EIF2B3: variants seen among roughly 807,000 people sequenced by gnomAD.
EIF2B3 encodes the protein eukaryotic translation initiation factor 2B subunit gamma, also known as translation initiation factor eIF2B subunit gamma.
In EIF2B3, 20 loss-of-function variants were observed where a neutral mutation model predicts 54.1. The observed-to-expected ratio is 0.37, with a 90% CI of 0.26 to 0.54. The LOEUF is 0.54. EIF2B3 is among the 20% of genes least tolerant of loss of function. The pLI, the probability that EIF2B3 is intolerant of heterozygous loss-of-function variation, is 0.86. For missense variants in EIF2B3, 448 were observed against 547.8 expected, an observed-to-expected ratio of 0.82 and a Z score of 1.82; for synonymous variants, 153 against 188.1, an observed-to-expected ratio of 0.81 and a Z score of 1.52.
chr1:44,871,313 C>T (rs2148899603), intron 10 of EIF2B3, among the ~76,000 whole-genome samples: 1 of 152,280 alleles, frequency 6.6e-6, no homozygotes, highest in East Asian at 1.9e-4. Context: ...TTCTATTTTA[C>T]CAGAATTATT....
Position 44,850,932 on chromosome 1 carries a change from A to C in EIF2B3, c.*19T>G. On this transcript the variant is annotated 3_prime_UTR_variant, in exon 12 of 12. Coordinates refer to ENST00000360403, the MANE Select transcript of EIF2B3 (RefSeq NM_020365.5). The stretch of plus-strand genomic sequence containing the variant: ...GTGGCTTTGGAGGCCAAAAGGAAGG[A>C]GTCTGACTTGCTCAGAACTCAGATC... 6.2e-7 allele frequency: 1 copy of C among 1,613,978 alleles called. No individual in the cohort carries two copies. The highest frequency in any genetic ancestry group is 8.5e-7 in the Non-Finnish European group (1 of 1,179,858).
At chr1:44,895,100 G>A (rs1655922940) in intron 6 of EIF2B3, among the ~76,000 whole-genome samples, 1 of 152,164 alleles carries the variant, frequency 6.6e-6, no homozygotes, top group Non-Finnish European at 1.5e-5. Flanking sequence ...GACTCTGAGA[G>A]GTCAAGGTAG....
At chr1:44,961,809 A>G (rs1644287638) in intron 3 of EIF2B3, among the ~76,000 whole-genome samples, 1 of 152,216 alleles carries the variant, frequency 6.6e-6, no homozygotes, top group Admixed American at 6.5e-5. Flanking sequence ...TAGCTAGTGA[A>G]TGACAGAACA....
intron 5 of EIF2B3, among the ~76,000 whole-genome samples, chr1:44,920,059 G>C (rs1447555750): frequency 6.8e-6 from 1 of 147,194 alleles, no homozygotes; most frequent in African/African-American, 2.5e-5. Flanking sequence ...TTTTCGAGCA[G>C]AGTCTCCCTC....
At chr1:44,886,142 C>T (rs865922188) in intron 6 of EIF2B3, among the ~76,000 whole-genome samples, 7 of 151,898 alleles carry the variant, frequency 4.6e-5, no homozygotes, top group East Asian at 1.9e-4. Flanking sequence ...TGCAGTGGCA[C>T]GGTCTCGGTT....
Position 44,881,244 on chromosome 1 carries a change from C to T in EIF2B3, c.784+368G>A, listed in dbSNP as rs1462958260. Reference sequence around the variant, plus strand: ...ATTGTACATTCCTTCACTTTCCTTCCCTTGATAAAAGAGGTTGAGTTTAAT... The same window carrying T: ...ATTGTACATTCCTTCACTTTCCTTCTCTTGATAAAAGAGGTTGAGTTTAAT... On this transcript the variant is annotated intron_variant, in intron 7 of 11. Coordinates refer to ENST00000360403, the MANE Select transcript of EIF2B3 (RefSeq NM_020365.5). The surrounding 1 kb of genome is among the most constrained non-coding windows in gnomAD (Gnocchi z 4.0). Among the ~76,000 whole-genome samples the T allele has an allele frequency of 6.6e-6, 1 of 152,162 alleles. No individual in the cohort carries two copies. The highest frequency in any genetic ancestry group is 6.5e-5 in the Admixed American group (1 of 15,276).
intron 5 of EIF2B3, among the ~76,000 whole-genome samples, chr1:44,901,110 T>A (rs1047770578): frequency 1.3e-5 from 2 of 151,934 alleles, no homozygotes; most frequent in Non-Finnish European, 2.9e-5. Context: ...CCTGGCTAAT[T>A]GAAAAAAAAA....
intron 10 of EIF2B3, among the ~76,000 whole-genome samples, chr1:44,871,414 T>C (rs1654961151): frequency 6.6e-6 from 1 of 152,236 alleles, no homozygotes; most frequent in Non-Finnish European, 1.5e-5. Flanking sequence ...AATTTAATCA[T>C]GCTGCTCTTT....
At chr1:44,903,938 G>A (rs1305670298) in intron 5 of EIF2B3, among the ~76,000 whole-genome samples, 1 of 152,132 alleles carries the variant, frequency 6.6e-6, no homozygotes, top group African/African-American at 2.4e-5. Context: ...TTAGCCAGGT[G>A]TGGTAGCACA....
At chr1:44,980,540 C>T (rs1156385075) in intron 2 of EIF2B3, among the ~76,000 whole-genome samples, 2 of 152,060 alleles carry the variant, frequency 1.3e-5, no homozygotes, top group African/African-American at 2.4e-5. Context: ...AACTATCTAC[C>T]TAGCTACCCA....
chr1:44,871,056 T>C (rs1456686337), intron 10 of EIF2B3, among the ~76,000 whole-genome samples: 1 of 152,208 alleles, frequency 6.6e-6, no homozygotes, highest in East Asian at 1.9e-4. Context: ...CACCATGCAT[T>C]CAACTTGTCC....
At chr1:44,954,258 GT>G (rs1644199627) in intron 3 of EIF2B3, among the ~76,000 whole-genome samples, 1 of 152,130 alleles carries the variant, frequency 6.6e-6, no homozygotes, top group Non-Finnish European at 1.5e-5. Flanking sequence ...ATTTAAAGTA[GT>G]TTTTCCTAAT....
At chr1:44,857,229 T>C (rs1654460557) in intron 11 of EIF2B3, among the ~76,000 whole-genome samples, 1 of 152,156 alleles carries the variant, frequency 6.6e-6, no homozygotes, top group Admixed American at 6.5e-5. Context: ...TAAGTCAAAG[T>C]AAAAAAATTT....
Position 44,978,621 on chromosome 1 carries a change from CTTTTTTTTTTTTTTTT to C in EIF2B3, c.149-177_149-162del, listed in dbSNP as rs57964686. Among the ~76,000 whole-genome samples the C allele has an allele frequency of 0.25, 19,009 of 77,242 alleles. 1,730 individuals are homozygous for C. The highest frequency in any genetic ancestry group is 0.31 in the South Asian group (637 of 2,088). The allele number at this position is 77,242 out of a possible 152,430, so 50.7% of individuals were successfully genotyped here. ...TTTACCTGCATTCCCCCAATAAATTCTTTTTTTTTTTTTTTTTTTTTTTTTTTTTTTTACAGACAGG... is the reference window on the plus strand; with the variant it reads ...TTTACCTGCATTCCCCCAATAAATTCTTTTTTTTTTTTTTTTACAGACAGG... On this transcript the variant is annotated intron_variant, in intron 2 of 11. Coordinates refer to ENST00000360403, the MANE Select transcript of EIF2B3 (RefSeq NM_020365.5).
intron 5 of EIF2B3, among the ~76,000 whole-genome samples, chr1:44,910,361 C>G (rs970903803): frequency 4.6e-5 from 7 of 152,162 alleles, no homozygotes; most frequent in Non-Finnish European, 8.8e-5. Flanking sequence ...CCTGAATTTT[C>G]AGTAACAAGC....
At chr1:44,919,963 G>A (rs1282192932) in intron 5 of EIF2B3, among the ~76,000 whole-genome samples, 1 of 143,854 alleles carries the variant, frequency 7.0e-6, no homozygotes, top group East Asian at 2.0e-4. Flanking sequence ...CTCGTGATCC[G>A]CCCACCTCGG....
At chr1:44,980,199 T>G (rs979824363) in intron 2 of EIF2B3, among the ~76,000 whole-genome samples, 1 of 152,100 alleles carries the variant, frequency 6.6e-6, no homozygotes, top group Non-Finnish European at 1.5e-5. Context: ...GCACGGTGGC[T>G]CATGCCTGTA....
chr1:44,937,778 G>A (rs959010377), intron 4 of EIF2B3, among the ~76,000 whole-genome samples: 3 of 151,408 alleles, frequency 2.0e-5, no homozygotes, highest in Non-Finnish European at 2.9e-5. Context: ...CAGCTACGCG[G>A]GAGGCTGAGG....
chr1:44,963,035 C>G (rs1557707022), intron 3 of EIF2B3, among the ~76,000 whole-genome samples: 1 of 151,686 alleles, frequency 6.6e-6, no homozygotes, highest in Non-Finnish European at 1.5e-5. Flanking sequence ...CGAGCCTGGG[C>G]ACCATGGCAA....
Sources: gnomAD v4.1 joint callset for allele counts (sites outside exome capture counted in the v4.1 genomes callset) on GRCh38, gnomAD v4.1.1 for gene constraint, Gnocchi (gnomAD v3.1) non-coding constraint, MANE v1.5 for transcripts, NCBI Gene and HGNC (gene_info 2026-07-23, HGNC 2026-07-21) for gene names.